The following CLDN10 variants were observed in gnomAD, a reference collection of about 807,000 sequenced individuals.
The protein encoded by CLDN10 is claudin-10.
In CLDN10, 15 loss-of-function variants were observed where a neutral mutation model predicts 22.9. The ratio of observed to expected loss-of-function variants is 0.65; its 90% CI spans 0.44 to 1.01. The LOEUF (loss-of-function observed/expected upper bound fraction) is 1.01, where lower values mean the gene tolerates loss of function less well. Among genes scored for constraint, CLDN10 ranks in the 50% least tolerant of loss-of-function variants. The pLI, the probability that CLDN10 is intolerant of heterozygous loss-of-function variation, is 0.00. For missense variants in CLDN10, 247 were observed against 287.8 expected, an observed-to-expected ratio of 0.86 and a Z score of 1.03; for synonymous variants, 114 against 111.4, an observed-to-expected ratio of 1.02 and a Z score of -0.15.
chr13:95,534,552 C>A lies in CLDN10; in HGVS notation c.215-25580C>A, dbSNP rs148693718. 4.9e-4 allele frequency among the ~76,000 whole-genome samples: 74 copies of A among 151,938 alleles called. 1 individual carries two copies. The East Asian group carries it at 0.014, about 29-fold the overall frequency. ...AACCGTTAAAAATTCAAAAAAAAAT[C>A]AATTCTCCATCTTCAGAAACTGATT... On this transcript the variant is annotated intron_variant, in intron 1 of 4. Coordinates refer to the CLDN10 transcript ENST00000376873.
intron 1 of CLDN10, among the ~76,000 whole-genome samples, chr13:95,489,865 C>A (rs1355191349): frequency 6.6e-6 from 1 of 152,130 alleles, no homozygotes; most frequent in Non-Finnish European, 1.5e-5. Flanking sequence ...AGGTTTAAGT[C>A]CTTAATCCAT....
intron 3 of CLDN10, among the ~76,000 whole-genome samples, chr13:95,573,664 C>A (rs1040538948): frequency 1.3e-5 from 2 of 152,076 alleles, no homozygotes; most frequent in African/African-American, 4.8e-5. Flanking sequence ...CCCTGTCTTT[C>A]AATAACACAC....
At chr13:95,563,333 G>C (rs933864410) in intron 3 of CLDN10, among the ~76,000 whole-genome samples, 37 of 152,150 alleles carry the variant, frequency 2.4e-4, no homozygotes, top group Admixed American at 2.4e-3. Flanking sequence ...TAGTATGTAA[G>C]ATGTGGCTTA....
chr13:95,455,692 G>C (rs80044131), intron 1 of CLDN10, among the ~76,000 whole-genome samples: 13,798 of 151,894 alleles, frequency 0.091, 890 homozygotes, highest in South Asian at 0.22. Flanking sequence ...CTTTCATTTT[G>C]TTTATTCTTT....
chr13:95,465,475 A>G (rs2042574496), intron 1 of CLDN10, among the ~76,000 whole-genome samples: 1 of 152,234 alleles, frequency 6.6e-6, no homozygotes, highest in South Asian at 2.1e-4. Flanking sequence ...CTTTAAGGTT[A>G]AGTAATTTGC....
intron 1 of CLDN10, among the ~76,000 whole-genome samples, chr13:95,539,629 G>T (rs1305411599): frequency 6.6e-6 from 1 of 152,162 alleles, no homozygotes; most frequent in Non-Finnish European, 1.5e-5. Flanking sequence ...GTAATAAAAA[G>T]TTAATTACAA....
At chr13:95,466,348 C>T (rs558288508) in intron 1 of CLDN10, among the ~76,000 whole-genome samples, 1 of 151,922 alleles carries the variant, frequency 6.6e-6, no homozygotes, top group Admixed American at 6.6e-5. Flanking sequence ...AGTGTTTCCT[C>T]TCTTCTATTT....
chr13:95,502,871 T>C (rs543639108), intron 1 of CLDN10, among the ~76,000 whole-genome samples: 7 of 152,342 alleles, frequency 4.6e-5, no homozygotes, highest in African/African-American at 1.7e-4. Flanking sequence ...TGCATTATGC[T>C]CACTCAGTAA....
rs1594584276 is a variant in CLDN10 at position 95,521,085 on chromosome 13, G to A, written c.215-39047G>A. On this transcript the variant is annotated intron_variant, in intron 1 of 4. Coordinates refer to the CLDN10 transcript ENST00000376873. ...TATTAATACTAATAATTTTTCTGTA[G>A]ATTCTCTTGGATTTTGTATACATAC... Among the ~76,000 whole-genome samples the A allele has an allele frequency of 2.1e-5, 3 of 142,208 alleles. No homozygotes were observed. The South Asian group carries it at 7.0e-4, about 33-fold the overall frequency. 93.3% of individuals were successfully genotyped at this position (142,208 alleles called of 152,430 possible).
chr13:95,505,054 A>G (rs1021295226), intron 1 of CLDN10, among the ~76,000 whole-genome samples: 1 of 152,238 alleles, frequency 6.6e-6, no homozygotes, highest in Non-Finnish European at 1.5e-5. Context: ...AAAATTCACA[A>G]ATGGATCAAA....
At chr13:95,537,186 A>G (rs2043409105) in intron 1 of CLDN10, among the ~76,000 whole-genome samples, 1 of 152,246 alleles carries the variant, frequency 6.6e-6, no homozygotes, top group Non-Finnish European at 1.5e-5. Flanking sequence ...TTCTAATTTT[A>G]GGATGTATTT....
intron 1 of CLDN10, among the ~76,000 whole-genome samples, chr13:95,458,253 G>A (rs1180632969): frequency 6.6e-6 from 1 of 152,168 alleles, no homozygotes; most frequent in Non-Finnish European, 1.5e-5. Context: ...AGAGTCAAGA[G>A]GTAGAGAAAT....
chr13:95,519,914 A>G (rs2043207278), intron 1 of CLDN10, among the ~76,000 whole-genome samples: 1 of 152,278 alleles, frequency 6.6e-6, no homozygotes, highest in African/African-American at 2.4e-5. Flanking sequence ...GAAATCACCC[A>G]TGAAAATCAG....
At chr13:95,443,288 A>T (rs146465679) in intron 1 of CLDN10, among the ~76,000 whole-genome samples, 1 of 152,294 alleles carries the variant, frequency 6.6e-6, no homozygotes, top group African/African-American at 2.4e-5. Flanking sequence ...GATGATAATG[A>T]TGTTGTTGAC....
intron 1 of CLDN10, among the ~76,000 whole-genome samples, chr13:95,467,904 G>A (rs1014401772): frequency 5.9e-5 from 9 of 152,190 alleles, no homozygotes; most frequent in African/African-American, 9.7e-5. Flanking sequence ...GCTCCCTCTG[G>A]AAGGCTGTCA....
chr13:95,573,729 G>A (rs1035721973), intron 3 of CLDN10, among the ~76,000 whole-genome samples: 3 of 151,822 alleles, frequency 2.0e-5, no homozygotes, highest in Non-Finnish European at 2.9e-5. Context: ...GTGTGTGTGT[G>A]TGTGTGTGTG....
In CLDN10 at chr13:95,482,381, G is replaced by A. The variant is rs552558933; in HGVS notation, c.214+48334G>A. The stretch of plus-strand genomic sequence containing the variant: ...ATATATATGGCCCAAGTCAGGCGCC[G>A]TGCACAGCTGGGTCTAAGAGCTGTG... On this transcript the variant is annotated intron_variant, in intron 1 of 4. Transcript: ENST00000376873. 1.4e-4 allele frequency among the ~76,000 whole-genome samples: 21 copies of A among 152,252 alleles called. No individual in the cohort carries two copies. In the South Asian group the frequency reaches 3.7e-3, roughly 27 times the overall value.
rs1439200927 is a variant in CLDN10 at position 95,577,884 on chromosome 13, A to G, written c.573-16A>G. The G allele has an allele frequency of 1.9e-6, 3 of 1,566,406 alleles. No homozygotes were observed. The highest frequency in any genetic ancestry group is 2.2e-5 in the South Asian group (2 of 89,056). On this transcript the variant is annotated splice_polypyrimidine_tract_variant and intron_variant, in intron 4 of 4. Transcript: ENST00000299339. ...TGTGTAGAATAGAATCTACCAAACTATGTTTTACCTTTCAGATACACATAC... is the reference window on the plus strand; with the variant it reads ...TGTGTAGAATAGAATCTACCAAACTGTGTTTTACCTTTCAGATACACATAC...
intron 1 of CLDN10, chr13:95,533,658 G>A (rs183511832): frequency 3.2e-4 from 48 of 152,236 alleles, no homozygotes; most frequent in African/African-American, 1.1e-3. Context: ...CTGCCTACCC[G>A]GTGAGATACA....
Sources: gnomAD v4.1 joint callset for allele counts (sites outside exome capture counted in the v4.1 genomes callset) on GRCh38, gnomAD v4.1.1 for gene constraint, MANE v1.5 for transcripts, NCBI Gene and HGNC (gene_info 2026-07-23, HGNC 2026-07-21) for gene names.